The following SESTD1 variants were observed in gnomAD, a reference collection of about 807,000 sequenced individuals.
SESTD1 encodes the protein SEC14 domain and spectrin repeat-containing protein 1.
In SESTD1, 43 loss-of-function variants were observed where a neutral mutation model predicts 101.7. That is an observed-to-expected ratio of 0.42 (90% CI 0.33 to 0.55). The LOEUF is 0.55. Among genes scored for constraint, SESTD1 ranks in the 20% least tolerant of loss-of-function variants. The pLI is 0.07. For missense variants in SESTD1, 647 were observed against 815.1 expected, an observed-to-expected ratio of 0.79 and a Z score of 2.51; for synonymous variants, 283 against 286.8, an observed-to-expected ratio of 0.99 and a Z score of 0.13.
chr2:179,195,556 T>C lies in SESTD1; in HGVS notation c.-25-3690A>G, dbSNP rs143202023. ...ATAGTCATACTTCAGGGGTTTAAAA[T>C]ATAGCCCACACTTATTCAAACAAGC... On this transcript the variant is annotated intron_variant, in intron 1 of 17. Transcript: ENST00000428443. 7.5e-3 allele frequency among the ~76,000 whole-genome samples: 1,144 copies of C among 152,302 alleles called. 15 individuals are homozygous for C. Among genetic ancestry groups the C allele is most frequent in the African/African-American group, 0.026 (1,061 of 41,558 alleles).
chr2:179,137,668 A>G (rs1461022752), intron 9 of SESTD1, among the ~76,000 whole-genome samples: 1 of 152,214 alleles, frequency 6.6e-6, no homozygotes, highest in Non-Finnish European at 1.5e-5. Context: ...TGCATACCAC[A>G]TGAAGTCTTG....
At chr2:179,185,939 TATA>T (rs1166025764) in intron 2 of SESTD1, among the ~76,000 whole-genome samples, 7 of 138,796 alleles carry the variant, frequency 5.0e-5, no homozygotes, top group Non-Finnish European at 9.2e-5. Flanking sequence ...TACAATATAT[TATA>T]TTATATACAA....
chr2:179,231,664 T>G (rs2046990210), intron 1 of SESTD1, among the ~76,000 whole-genome samples: 1 of 137,814 alleles, frequency 7.3e-6, no homozygotes, highest in Non-Finnish European at 1.6e-5. Flanking sequence ...TATTAAAAAA[T>G]ACCTAATAAA....
intron 5 of SESTD1, among the ~76,000 whole-genome samples, chr2:179,154,295 A>AAGAG (rs1439152113): frequency 8.3e-5 from 12 of 144,714 alleles, no homozygotes; most frequent in African/African-American, 3.0e-4. Context: ...GGAAGGAAGG[A>AAGAG]AGAGAGGGAG....
chr2:179,226,040 A>G (rs1168768417), intron 1 of SESTD1, among the ~76,000 whole-genome samples: 1 of 152,158 alleles, frequency 6.6e-6, no homozygotes, highest in Admixed American at 6.5e-5. Context: ...ATTATTTCCT[A>G]TGTTTCTGTA....
chr2:179,130,737 T>A (rs1001707373), intron 10 of SESTD1, among the ~76,000 whole-genome samples: 1 of 152,054 alleles, frequency 6.6e-6, no homozygotes, highest in Non-Finnish European at 1.5e-5. Flanking sequence ...TTAGGTGAAG[T>A]CTAGAATGTT....
rs535310084 is a variant in SESTD1, at chr2:179,152,873, AAGAC to A, written c.370-1486_370-1483del. Among the ~76,000 whole-genome samples, 600 of 152,272 alleles carry A rather than the reference AAGAC, an allele frequency of 3.9e-3. 4 individuals carry two copies. Among genetic ancestry groups the A allele is most frequent in the Non-Finnish European group, 6.1e-3 (414 of 67,990 alleles). ...CCATCTAAGAAGTCAGGAGAGGAAA[AAGAC>A]AGAATAAGTCCAAAGAAAATAGAAG... is the stretch of plus-strand genomic sequence containing the variant. On this transcript the variant is annotated intron_variant, in intron 5 of 17. Transcript: ENST00000428443.
Position 179,211,935 on chromosome 2 carries a change from A to C in SESTD1, c.-25-20069T>G, listed in dbSNP as rs1405997917. Reference sequence around the variant, plus strand: ...CATTGATCAAGTGATGGATGTACCAAAGTCTCAGAAATCACCACTGAAGAA... The same window carrying C: ...CATTGATCAAGTGATGGATGTACCACAGTCTCAGAAATCACCACTGAAGAA... On this transcript the variant is annotated intron_variant, in intron 1 of 17. Transcript: ENST00000428443. Among the ~76,000 whole-genome samples the C allele has an allele frequency of 6.0e-5, 8 of 134,148 alleles. 2 individuals carry two copies. The highest frequency in any genetic ancestry group is 2.1e-4 in the African/African-American group (7 of 33,762). The allele number at this position is 134,148 out of a possible 152,430, so 88.0% of individuals were successfully genotyped here.
intron 1 of SESTD1, among the ~76,000 whole-genome samples, chr2:179,228,177 C>T (rs1034548968): frequency 4.2e-4 from 64 of 152,206 alleles, no homozygotes; most frequent in Admixed American, 3.9e-3. Context: ...TGTTACCAGG[C>T]GGCCTCTATA....
At position 179,115,146 on chromosome 2, in the gene SESTD1, T is replaced by C; in HGVS notation, c.1758A>G (p.Val586=). 6.2e-7 allele frequency: 1 copy of C among 1,613,960 alleles called. No homozygotes were observed. Among genetic ancestry groups the C allele is most frequent in the Non-Finnish European group, 8.5e-7 (1 of 1,179,954 alleles). The part of the protein sequence containing the change: ...SGDTLPRLNR[V]WKQFTIASEE... ...CAGATGCTATTGTAAATTGTTTCCA[T>C]ACTCTGTTCAGTCGAGGAAGTGTAT... The change falls in exon 16 of 18, where the codon GTA becomes GTG. Residue 586 remains valine (V), a synonymous_variant. Coordinates refer to ENST00000428443, the MANE Select transcript of SESTD1 (RefSeq NM_178123.5).
At chr2:179,215,868 A>G (rs539778265) in intron 1 of SESTD1, among the ~76,000 whole-genome samples, 1 of 135,226 alleles carries the variant, frequency 7.4e-6, no homozygotes, top group East Asian at 2.0e-4. Flanking sequence ...TCCATCACAT[A>G]AACAGTACCA....
Position 179,209,451 on chromosome 2 carries a change from C to A in SESTD1, c.-25-17585G>T, listed in dbSNP as rs2046625186. The stretch of plus-strand genomic sequence containing the variant: ...TTTCATCAGCATATGGAACATTCTC[C>A]AAGACAGATCATACGATAAGCCAAA... On this transcript the variant is annotated intron_variant, in intron 1 of 17. Transcript: ENST00000428443. Among the ~76,000 whole-genome samples the A allele has an allele frequency of 2.2e-5, 3 of 134,430 alleles. 1 individual carries two copies. 88.2% of individuals were successfully genotyped at this position (134,430 alleles called of 152,430 possible).
intron 9 of SESTD1, among the ~76,000 whole-genome samples, chr2:179,141,620 AT>A (rs2045277510): frequency 6.6e-6 from 1 of 151,988 alleles, no homozygotes; most frequent in Admixed American, 6.6e-5. Context: ...TAACAGTCCT[AT>A]TAAGTAGGTA....
intron 9 of SESTD1, among the ~76,000 whole-genome samples, chr2:179,132,935 A>T (rs2045044508): frequency 6.6e-6 from 1 of 152,220 alleles, no homozygotes; most frequent in Non-Finnish European, 1.5e-5. Context: ...GCATTGAAAA[A>T]ACTGACTGAA....
chr2:179,159,243 C>G (rs1421971690), intron 5 of SESTD1, among the ~76,000 whole-genome samples: 1 of 152,100 alleles, frequency 6.6e-6, no homozygotes, highest in East Asian at 1.9e-4. Flanking sequence ...ACTCTGTTTA[C>G]AAAGGTGAAA....
chr2:179,109,568 A>C lies in SESTD1; in HGVS notation c.*331T>G, dbSNP rs2044461932. 2 of 397,062 alleles carry C rather than the reference A, an allele frequency of 5.0e-6. No individual in the cohort carries two copies. Among genetic ancestry groups the C allele is most frequent in the East Asian group, 7.1e-5 (2 of 28,002 alleles). 24.6% of individuals were successfully genotyped at this position (397,062 alleles called of 1,614,324 possible). On this transcript the variant is annotated 3_prime_UTR_variant, in exon 18 of 18. Coordinates refer to ENST00000428443, the MANE Select transcript of SESTD1 (RefSeq NM_178123.5). ...CAACTTTTTTTTTTCTTTTTAATAG[A>C]GAGAATTCCTACTCTTATTAGCACC...
At position 179,213,210 on chromosome 2, in the gene SESTD1, G is replaced by A. The variant is rs181016597; in HGVS notation, c.-25-21344C>T. 2.2e-5 allele frequency among the ~76,000 whole-genome samples: 3 copies of A among 134,720 alleles called. 1 individual carries two copies. The highest frequency in any genetic ancestry group is 2.0e-4 in the East Asian group (1 of 5,028). The allele number at this position is 134,720 out of a possible 152,430, so 88.4% of individuals were successfully genotyped here. On this transcript the variant is annotated intron_variant, in intron 1 of 17. Transcript: ENST00000428443. ...AATAACAAAGTTCTCCGAGCTAAAG[G>A]GGCATGTTCTAACCCATCGCAAGGA...
intron 1 of SESTD1, among the ~76,000 whole-genome samples, chr2:179,230,297 G>A (rs1018454839): frequency 4.6e-5 from 7 of 151,184 alleles, no homozygotes; most frequent in African/African-American, 1.2e-4. Context: ...CACCATATCC[G>A]GCTAATTTTT....
At chr2:179,215,898 TA>T (rs1559147048) in intron 1 of SESTD1, among the ~76,000 whole-genome samples, 1 of 135,038 alleles carries the variant, frequency 7.4e-6, no homozygotes, top group African/African-American at 2.9e-5. Context: ...ACCACATGAT[TA>T]TATCAACAGA....
Sources: gnomAD v4.1 joint callset for allele counts (sites outside exome capture counted in the v4.1 genomes callset) on GRCh38, gnomAD v4.1.1 for gene constraint, MANE v1.5 for transcripts, NCBI Gene and HGNC (gene_info 2026-07-23, HGNC 2026-07-21) for gene names.